NXPE4: variants seen among roughly 807,000 people sequenced by gnomAD.
NXPE4 encodes NXPE family member 4.
NXPE4 carries 42 observed loss-of-function variants against 33.3 expected under a neutral mutation model. That is an observed-to-expected ratio of 1.26 (90% confidence interval 0.98 to 1.63). The LOEUF (loss-of-function observed/expected upper bound fraction) is 1.63. Among genes scored for constraint, NXPE4 ranks in the 40% most tolerant of loss-of-function variants. The pLI, the probability that NXPE4 is intolerant of heterozygous loss-of-function variation, is 0.00. For missense variants in NXPE4, 709 were observed against 647.6 expected (o/e 1.09, Z -1.03); for synonymous variants, 253 against 234.9 (o/e 1.08, Z -0.71).
the NXPE4 span, among the ~76,000 whole-genome samples, chr11:114,639,121 C>G: frequency 2.0e-5 from 3 of 152,190 alleles, no homozygotes; most frequent in Non-Finnish European, 2.9e-5. Flanking sequence ...GGGCTCCACC[C>G]AGTTCGAGCT....
rs1949562052 is a variant in NXPE4, at chr11:114,595,669, C to T, written c.-88G>A. On this transcript the variant is annotated 5_prime_UTR_variant, in exon 1 of 6. An upstream open reading frame in the 5' UTR gains an earlier in-frame stop. Coordinates refer to ENST00000375478, the MANE Select transcript of NXPE4 (RefSeq NM_001077639.2). Reference sequence around the variant, plus strand: ...TGTTGAGAATTTCTTCTGAAGCCACCAGTGTGCTACTGGCATACCTCTTGT... The same window carrying T: ...TGTTGAGAATTTCTTCTGAAGCCACTAGTGTGCTACTGGCATACCTCTTGT... The T allele has an allele frequency of 6.6e-6, 1 of 152,272 alleles. No individual in the cohort carries two copies. The highest frequency in any genetic ancestry group is 2.4e-5 in the African/African-American group (1 of 41,410). 9.4% of individuals were successfully genotyped at this position (152,272 alleles called of 1,614,324 possible). A position where few individuals can be genotyped will look rare whatever the true frequency, so the allele number is the denominator to read the frequency against.
chr11:114,645,444 G>A, the NXPE4 span, among the ~76,000 whole-genome samples: 1 of 152,128 alleles, frequency 6.6e-6, no homozygotes, highest in African/African-American at 2.4e-5. Flanking sequence ...GGAAAATGAT[G>A]TATTTTCTGG....
the NXPE4 span, among the ~76,000 whole-genome samples, chr11:114,638,626 G>A: frequency 6.6e-6 from 1 of 152,024 alleles, no homozygotes; most frequent in Non-Finnish European, 1.5e-5. Context: ...TGATGGTGAT[G>A]TACAGATAGG....
the NXPE4 span, among the ~76,000 whole-genome samples, chr11:114,610,634 C>T: frequency 3.9e-5 from 6 of 151,922 alleles, no homozygotes; most frequent in South Asian, 2.1e-4. Flanking sequence ...TAAGTGTTGC[C>T]TCATGGGTAA....
At chr11:114,614,974 T>A in the NXPE4 span, among the ~76,000 whole-genome samples, 1 of 151,382 alleles carries the variant, frequency 6.6e-6, no homozygotes, top group South Asian at 2.1e-4. Context: ...AAGTATTGCC[T>A]CGTGAGTAAC....
chr11:114,631,422 A>G, the NXPE4 span, among the ~76,000 whole-genome samples: 2 of 150,730 alleles, frequency 1.3e-5, no homozygotes, highest in African/African-American at 4.9e-5. Flanking sequence ...CTATCGCAAG[A>G]ACAAAAAACC....
the NXPE4 span, among the ~76,000 whole-genome samples, chr11:114,603,932 A>G: frequency 6.6e-6 from 1 of 151,312 alleles, no homozygotes; most frequent in African/African-American, 2.4e-5. Context: ...TACCTGGTGG[A>G]TAATAAGTAT....
the NXPE4 span, among the ~76,000 whole-genome samples, chr11:114,669,441 G>T: frequency 1.0e-3 from 153 of 152,162 alleles, 1 homozygote; most frequent in Admixed American, 8.3e-3. Flanking sequence ...TGAAGGGTAA[G>T]ATATCCCTTT....
the NXPE4 span, among the ~76,000 whole-genome samples, chr11:114,645,047 A>G: frequency 1.6e-4 from 24 of 152,132 alleles, 1 homozygote; most frequent in African/African-American, 4.3e-4. Flanking sequence ...TATGCCTGTA[A>G]TCTCAGCACT....
rs113447804 is a variant in NXPE4, at chr11:114,582,329, T to A, written c.789A>T (p.Lys263Asn). ...ALTHMYSKNK[K>N]VSYLSKQEKS... Reference sequence around the variant, plus strand: ...TTTCTTGTTTGCTAAGATAAGAAACTTTCTTGTTCTTAGAATACATGTGAG... The same window carrying A: ...TTTCTTGTTTGCTAAGATAAGAAACATTCTTGTTCTTAGAATACATGTGAG... The change falls in exon 3 of 6, where the codon AAA becomes AAT. Residue 263 changes from lysine (K) to asparagine (N), a missense_variant. Lys to Asn is a moderately conservative substitution (Grantham distance 94). Transcript: ENST00000375478. 1.9e-6 allele frequency: 3 copies of A among 1,595,822 alleles called. No individual in the cohort carries two copies. The South Asian group carries it at 3.4e-5, about 18-fold the overall frequency.
the NXPE4 span, among the ~76,000 whole-genome samples, chr11:114,638,573 G>GT: frequency 0.01 from 1,548 of 152,008 alleles, 25 homozygotes; most frequent in African/African-American, 0.035. Context: ...TTTCTGCTCT[G>GT]TTTTTTCCCC....
At chr11:114,607,097 G>A in the NXPE4 span, among the ~76,000 whole-genome samples, 14 of 150,260 alleles carry the variant, frequency 9.3e-5, no homozygotes, top group Admixed American at 1.3e-4. Context: ...GTATTGCCTC[G>A]TGAGTAACCA....
At chr11:114,590,814 T>C (rs1949432275) in intron 2 of NXPE4, among the ~76,000 whole-genome samples, 1 of 152,110 alleles carries the variant, frequency 6.6e-6, no homozygotes, top group Non-Finnish European at 1.5e-5. Context: ...CCCTGGGAAA[T>C]GGTTTAACTG....
the NXPE4 span, among the ~76,000 whole-genome samples, chr11:114,601,741 T>TTATAATA: frequency 1.4e-5 from 1 of 71,192 alleles, no homozygotes; most frequent in East Asian, 4.5e-4. Flanking sequence ...TTATATATAA[T>TTATAATA]TATAATATAT....
chr11:114,608,966 G>T, the NXPE4 span, among the ~76,000 whole-genome samples: 3 of 151,534 alleles, frequency 2.0e-5, no homozygotes, highest in Non-Finnish European at 2.9e-5. Context: ...TGGAAAATAA[G>T]TGTTGCCTCG....
At chr11:114,602,738 T>C in the NXPE4 span, among the ~76,000 whole-genome samples, 3 of 144,254 alleles carry the variant, frequency 2.1e-5, no homozygotes, top group East Asian at 6.2e-4. Context: ...TCATATATAA[T>C]TAAAGAATCA....
the NXPE4 span, among the ~76,000 whole-genome samples, chr11:114,610,319 C>A: frequency 6.6e-6 from 1 of 151,184 alleles, no homozygotes; most frequent in South Asian, 2.1e-4. Context: ...CCACTGTTAT[C>A]CGGTGAATAA....
At chr11:114,603,637 A>G in the NXPE4 span, among the ~76,000 whole-genome samples, 2 of 150,920 alleles carry the variant, frequency 1.3e-5, no homozygotes, top group African/African-American at 4.9e-5. Context: ...GGTAACTCCT[A>G]TTACCTGGTG....
At chr11:114,623,096 T>C in the NXPE4 span, among the ~76,000 whole-genome samples, 1 of 152,116 alleles carries the variant, frequency 6.6e-6, no homozygotes, top group Non-Finnish European at 1.5e-5. Context: ...ATAATTAGCG[T>C]TGCCTGGCGG....
Sources: gnomAD v4.1 joint callset for allele counts (sites outside exome capture counted in the v4.1 genomes callset) on GRCh38, gnomAD v4.1.1 for gene constraint, MANE v1.5 for transcripts, NCBI Gene and HGNC (gene_info 2026-07-23, HGNC 2026-07-21) for gene names.